ADGRL3: variants seen among roughly 807,000 people sequenced by gnomAD.
The protein encoded by ADGRL3 is adhesion G protein-coupled receptor L3.
ADGRL3 carries 62 observed loss-of-function variants against 153.5 expected under a neutral mutation model. That is an observed-to-expected ratio of 0.40 (90% CI 0.33 to 0.50). The LOEUF (loss-of-function observed/expected upper bound fraction) is 0.50, where lower values mean the gene tolerates loss of function less well. ADGRL3 is among the 20% of genes least tolerant of loss of function. ADGRL3 has a pLI of 0.47. For synonymous variants in ADGRL3, 710 were observed against 672.5 expected (o/e 1.06, Z -0.86); for missense variants, 1,641 against 1,859.4 (o/e 0.88, Z 2.16).
At chr4:61,899,442 A>C (rs768967256) in intron 11 of ADGRL3, among the ~76,000 whole-genome samples, 1 of 152,078 alleles carries the variant, frequency 6.6e-6, no homozygotes, top group Non-Finnish European at 1.5e-5. Context: ...TGCTGCCAGT[A>C]TAGTTTTGTG....
At chr4:62,061,808 G>A (rs564508533) in intron 25 of ADGRL3, among the ~76,000 whole-genome samples, 1 of 152,064 alleles carries the variant, frequency 6.6e-6, no homozygotes, top group South Asian at 2.1e-4. Flanking sequence ...CCTTTTGTTT[G>A]TTGACTAGTA....
intron 9 of ADGRL3, among the ~76,000 whole-genome samples, chr4:61,881,072 A>G (rs748035022): frequency 1.1e-4 from 17 of 152,186 alleles, no homozygotes; most frequent in Non-Finnish European, 2.2e-4. Context: ...TGAAAAATCA[A>G]TACTAAAATT....
intron 1 of ADGRL3, among the ~76,000 whole-genome samples, chr4:61,365,575 T>G (rs981196855): frequency 3.9e-5 from 6 of 152,242 alleles, no homozygotes; most frequent in Non-Finnish European, 5.9e-5. Flanking sequence ...AAGTCTCATC[T>G]TCAGTATCTG....
chr4:61,643,880 T>G (rs1192309708), intron 5 of ADGRL3, among the ~76,000 whole-genome samples: 45 of 147,438 alleles, frequency 3.1e-4, no homozygotes, highest in East Asian at 9.9e-4. Context: ...GTTCCTCCTT[T>G]TACCTCTGGT....
intron 9 of ADGRL3, among the ~76,000 whole-genome samples, chr4:61,840,580 C>CT (rs1329618886): frequency 1.3e-5 from 2 of 152,114 alleles, no homozygotes; most frequent in Non-Finnish European, 2.9e-5. Context: ...TTGCTTTCCT[C>CT]TTTTTCAGTC....
chr4:61,931,167 T>A (rs1156839847), intron 13 of ADGRL3, among the ~76,000 whole-genome samples: 1 of 152,180 alleles, frequency 6.6e-6, no homozygotes, highest in Non-Finnish European at 1.5e-5. Context: ...AAAAACTCAT[T>A]ATGAACTATT....
rs955595646 is a variant in ADGRL3 at position 61,830,207 on chromosome 4, C to T, written c.1480+16318C>T. ...TTTTTTTGTAGAGGCAGGGTTTTGCCATGTTGCCCAGGCTTCTACAAAAAT... is the reference window on the plus strand; with the variant it reads ...TTTTTTTGTAGAGGCAGGGTTTTGCTATGTTGCCCAGGCTTCTACAAAAAT... On this transcript the variant is annotated intron_variant, in intron 9 of 26. Transcript: ENST00000683033. 3.9e-5 allele frequency among the ~76,000 whole-genome samples: 6 copies of T among 151,966 alleles called. No individual in the cohort carries two copies. The South Asian group carries it at 6.2e-4, about 16-fold the overall frequency.
At chr4:62,028,903 G>A in intron 22 of ADGRL3, 22 bp downstream of exon 22, 1 of 1,599,116 alleles carries the variant, frequency 6.3e-7, no homozygotes, top group Non-Finnish European at 8.5e-7. Context: ...CTGAATGGCT[G>A]ATAAATTCCG....
Position 61,368,821 on chromosome 4 carries a change from G to A in ADGRL3, c.-239-14303G>A, listed in dbSNP as rs544399386. Among the ~76,000 whole-genome samples, 813 of 152,310 alleles carry A rather than the reference G, an allele frequency of 5.3e-3. 3 individuals are homozygous for A. The highest frequency in any genetic ancestry group is 0.014 in the Middle Eastern group (4 of 294). On this transcript the variant is annotated intron_variant, in intron 1 of 26. Coordinates refer to ENST00000683033, the MANE Select transcript of ADGRL3 (RefSeq NM_001387552.1). ...TTGAATCTGTAAATTACCTTGGGCA[G>A]TATGGCCATTTTCACAATATTGATT...
rs149740631 is a variant in ADGRL3, at chr4:61,794,085, C to T, written c.1400-19724C>T. Among the ~76,000 whole-genome samples, 81 of 152,286 alleles carry T rather than the reference C, an allele frequency of 5.3e-4. 1 individual carries two copies. The highest frequency in any genetic ancestry group is 1.9e-3 in the African/African-American group (79 of 41,564). On this transcript the variant is annotated intron_variant, in intron 8 of 26. Coordinates refer to ENST00000683033, the MANE Select transcript of ADGRL3 (RefSeq NM_001387552.1). The stretch of plus-strand genomic sequence containing the variant: ...TTGCATGATGTCGTAATTAACTTTG[C>T]ACAGACATAGTCGTAGTGGGTAAGG...
chr4:61,244,099 T>C (rs985401073), intron 1 of ADGRL3, among the ~76,000 whole-genome samples: 15 of 152,118 alleles, frequency 9.9e-5, no homozygotes, highest in Non-Finnish European at 1.6e-4. Context: ...AGAGGAAATA[T>C]TTGTAGGTTA....
chr4:61,597,481 A>G lies in ADGRL3; in HGVS notation c.473+10041A>G, dbSNP rs190846402. ...AACTCTGTATATTTTACTATTACAT[A>G]TTAATGTTCTCCTGGAGATTTGAAT... On this transcript the variant is annotated intron_variant, in intron 5 of 26. Coordinates refer to ENST00000683033, the MANE Select transcript of ADGRL3 (RefSeq NM_001387552.1). Among the ~76,000 whole-genome samples, 27 of 152,164 alleles carry G rather than the reference A, an allele frequency of 1.8e-4. No homozygotes were observed. In the East Asian group the frequency reaches 5.0e-3, roughly 28 times the overall value.
At chr4:61,262,623 C>T (rs1468181097) in intron 1 of ADGRL3, among the ~76,000 whole-genome samples, 1 of 152,098 alleles carries the variant, frequency 6.6e-6, no homozygotes, top group East Asian at 1.9e-4. Flanking sequence ...TTTGGGCCCT[C>T]CTTTTATCTT....
At chr4:62,051,507 GA>G (rs140065634) in intron 25 of ADGRL3, among the ~76,000 whole-genome samples, 3,967 of 147,774 alleles carry the variant, frequency 0.027, 184 homozygotes, top group African/African-American at 0.094. Flanking sequence ...ATCTGAAAAA[GA>G]AAAAAAAAAT....
At chr4:61,479,476 G>A (rs1175782495) in intron 2 of ADGRL3, among the ~76,000 whole-genome samples, 2 of 152,056 alleles carry the variant, frequency 1.3e-5, no homozygotes, top group African/African-American at 4.8e-5. Flanking sequence ...CCAATATAGG[G>A]TCTCTGCCCA....
chr4:61,716,202 T>G (rs2151556809), intron 6 of ADGRL3, among the ~76,000 whole-genome samples: 1 of 152,236 alleles, frequency 6.6e-6, no homozygotes, highest in East Asian at 1.9e-4. Context: ...TTCCTTCTTC[T>G]GTTATTGAAA....
chr4:61,909,668 C>A lies in ADGRL3; in HGVS notation c.1996C>A (p.Leu666Met). ...ITYSVRAMDQ[L>M]VGLLDVQLRN... is the part of the protein sequence containing the mutation. Reference sequence around the variant, plus strand: ...CTACTCTGTCCGGGCCATGGACCAGCTGGTAGGCCTCCTAGATGTACAGCT... The same window carrying A: ...CTACTCTGTCCGGGCCATGGACCAGATGGTAGGCCTCCTAGATGTACAGCT... Residue 666 changes from leucine (L) to methionine (M), a missense_variant, in exon 12 of 27, where the codon CTG becomes ATG. Physicochemically the swap from Leu to Met is conservative, Grantham distance 15. Transcript: ENST00000683033. 6.2e-7 allele frequency: 1 copy of A among 1,608,282 alleles called. No individual in the cohort carries two copies. The highest frequency in any genetic ancestry group is 1.1e-5 in the South Asian group (1 of 89,892).
intron 9 of ADGRL3, among the ~76,000 whole-genome samples, chr4:61,851,821 A>G (rs761984868): frequency 7.9e-4 from 120 of 152,326 alleles, no homozygotes; most frequent in Admixed American, 1.3e-3. Context: ...GTGTTGGCAT[A>G]ATATAATAGA....
At chr4:61,720,320 C>T (rs901051700) in intron 6 of ADGRL3, among the ~76,000 whole-genome samples, 1 of 151,894 alleles carries the variant, frequency 6.6e-6, no homozygotes, top group South Asian at 2.1e-4. Flanking sequence ...CAACTCCCGA[C>T]CTCGTGATCC....
Sources: allele counts gnomAD v4.1 joint callset (sites outside exome capture counted in the v4.1 genomes callset), GRCh38; gene constraint gnomAD v4.1.1; transcripts MANE v1.5; gene names NCBI Gene and HGNC (gene_info 2026-07-23, HGNC 2026-07-21).